LRRFIP1: variants seen among roughly 807,000 people sequenced by gnomAD.
LRRFIP1 encodes LRR binding FLII interacting protein 1.
Under a neutral mutation model 104.4 loss-of-function variants are expected in LRRFIP1, and 62 were observed. The observed-to-expected ratio is 0.59, with a 90% CI of 0.48 to 0.73. The LOEUF (loss-of-function observed/expected upper bound fraction) is 0.73. Ranked by LOEUF, LRRFIP1 falls within the 30% of genes least tolerant of loss-of-function variation. The probability of loss-of-function intolerance (pLI) is 0.00; values close to 1 mark genes in which losing one functional copy is unlikely to be tolerated. For missense variants in LRRFIP1, 796 were observed against 824.5 expected (o/e 0.97, Z 0.42); for synonymous variants, 300 against 299.0 (o/e 1.00, Z -0.03).
At chr2:237,671,759 TGTGTGCACACAC>T (rs936957327) in intron 1 of LRRFIP1, among the ~76,000 whole-genome samples, 2 of 151,726 alleles carry the variant, frequency 1.3e-5, no homozygotes, top group Non-Finnish European at 2.9e-5. Flanking sequence ...TTTATGTGTC[TGTGTGCACACAC>T]GTGTGCATGC....
rs188220477 is a variant in LRRFIP1, at chr2:237,738,474, C to T, written c.556-758C>T. 7.2e-4 allele frequency among the ~76,000 whole-genome samples: 110 copies of T among 152,306 alleles called. 2 individuals are homozygous for T. Among genetic ancestry groups the T allele is most frequent in the Admixed American group, 2.4e-3 (36 of 15,298 alleles). ...GCTGCGTGGGTCTCTCTTGAAGATG[C>T]TCCTCAGGACATGTCGGGATCCTAA... On this transcript the variant is annotated intron_variant, in intron 10 of 23. Transcript: ENST00000308482.
intron 18 of LRRFIP1, among the ~76,000 whole-genome samples, chr2:237,759,781 T>C (rs1271635607): frequency 6.6e-6 from 1 of 152,190 alleles, no homozygotes; most frequent in East Asian, 1.9e-4. Flanking sequence ...CACAGGCCAC[T>C]ACCTGTAGTT....
chr2:237,764,222 T>C, intron 19 of LRRFIP1: 26 of 1,612,866 alleles, frequency 1.6e-5, no homozygotes, highest in Non-Finnish European at 2.1e-5. Flanking sequence ...GTAAGTAGAA[T>C]GTTCTAAATT....
Position 237,766,761 on chromosome 2 carries a change from C to A in LRRFIP1, c.1460-3182C>A, listed in dbSNP as rs925417471. Among the ~76,000 whole-genome samples the A allele has an allele frequency of 6.6e-6, 1 of 152,196 alleles. No individual in the cohort carries two copies. The highest frequency in any genetic ancestry group is 2.4e-5 in the African/African-American group (1 of 41,458). On this transcript the variant is annotated intron_variant, in intron 19 of 23. Coordinates refer to ENST00000308482, the MANE Select transcript of LRRFIP1 (RefSeq NM_001137550.2). This position sits in a 1 kb window ranked among gnomAD's most constrained non-coding sequence, Gnocchi z 4.8. ...AAGAAAGAGTTCTGAGCAGCCAAACCATTTCTCGATGATTTCAGAGCCTTC... is the reference window on the plus strand; with the variant it reads ...AAGAAAGAGTTCTGAGCAGCCAAACAATTTCTCGATGATTTCAGAGCCTTC...
At chr2:237,642,739 T>A (rs554655519) in intron 1 of LRRFIP1, among the ~76,000 whole-genome samples, 1 of 151,812 alleles carries the variant, frequency 6.6e-6, no homozygotes, top group Non-Finnish European at 1.5e-5. Context: ...AGGCTAGGGG[T>A]TTCAGGTTCC....
intron 17 of LRRFIP1, among the ~76,000 whole-genome samples, chr2:237,758,519 G>C (rs2059532358): frequency 6.6e-6 from 1 of 152,196 alleles, no homozygotes; most frequent in Non-Finnish European, 1.5e-5. Context: ...GTCTTTCATG[G>C]AGTATGAACA....
chr2:237,653,332 T>C (rs1319512673), intron 1 of LRRFIP1, among the ~76,000 whole-genome samples: 1 of 152,126 alleles, frequency 6.6e-6, no homozygotes, highest in Admixed American at 6.6e-5. Context: ...CATTAAGAAC[T>C]ACAAAACATG....
intron 1 of LRRFIP1, among the ~76,000 whole-genome samples, chr2:237,699,057 G>A (rs996743917): frequency 1.3e-5 from 2 of 152,212 alleles, no homozygotes; most frequent in Non-Finnish European, 2.9e-5. Context: ...GATGAGACCT[G>A]CACACACCTG....
chr2:237,712,873 A>G (rs973223272), intron 2 of LRRFIP1, among the ~76,000 whole-genome samples: 5 of 152,326 alleles, frequency 3.3e-5, no homozygotes, highest in South Asian at 4.1e-4. Flanking sequence ...AGGTTATACA[A>G]TCTGGTAGCT....
At chr2:237,630,703 G>C (rs2082218439) in intron 1 of LRRFIP1, among the ~76,000 whole-genome samples, 1 of 152,208 alleles carries the variant, frequency 6.6e-6, no homozygotes, top group Admixed American at 6.5e-5. Flanking sequence ...ATATTGGCTG[G>C]AGCACAGCAA....
rs753660255 is a variant in LRRFIP1, at chr2:237,727,928, C to T, written c.437C>T (p.Ser146Phe). The T allele has an allele frequency of 6.2e-7, 1 of 1,610,504 alleles. No homozygotes were observed. Among genetic ancestry groups the T allele is most frequent in the Non-Finnish European group, 8.5e-7 (1 of 1,178,052 alleles). The change falls in exon 8 of 24, where the codon TCT becomes TTT. Residue 146 changes from serine to phenylalanine, a missense_variant. Physicochemically the swap from Ser to Phe is radical, Grantham distance 155. Coordinates refer to ENST00000308482, the MANE Select transcript of LRRFIP1 (RefSeq NM_001137550.2). The stretch of plus-strand genomic sequence containing the variant: ...GGATCACAGTCCCTGAATAGAAGAT[C>T]TGGCAGGGTTAGTATAGTAAATTTG... ...LYGSQSLNRR[S>F]GRPSCLYSAA...
At chr2:237,692,627 TG>T in intron 1 of LRRFIP1, 4 of 1,328,472 alleles carry the variant, frequency 3.0e-6, no homozygotes, top group Non-Finnish European at 3.9e-6. Flanking sequence ...CCGGGAGGCG[TG>T]GGGTGGGCTC....
At chr2:237,665,823 C>T (rs1331358566) in intron 1 of LRRFIP1, among the ~76,000 whole-genome samples, 7 of 152,218 alleles carry the variant, frequency 4.6e-5, no homozygotes, top group African/African-American at 1.4e-4. Context: ...GCAGTCAACA[C>T]TGGGGTCGTT....
At chr2:237,718,948 T>C (rs1357059391) in intron 4 of LRRFIP1, among the ~76,000 whole-genome samples, 7 of 152,196 alleles carry the variant, frequency 4.6e-5, no homozygotes, top group African/African-American at 1.7e-4. Context: ...AAAAGAAATA[T>C]TTAAAAAATC....
chr2:237,708,704 C>T, intron 2 of LRRFIP1, 74 bp downstream of exon 2: 7 of 1,474,844 alleles, frequency 4.7e-6, no homozygotes, highest in Non-Finnish European at 6.5e-6. Flanking sequence ...AGTGCAGGCA[C>T]CTGTTGCTGC....
chr2:237,758,154 T>A (rs913817982), intron 17 of LRRFIP1, among the ~76,000 whole-genome samples: 1 of 148,146 alleles, frequency 6.8e-6, no homozygotes, highest in Non-Finnish European at 1.5e-5. Flanking sequence ...TCGAGATACC[T>A]GCACAAACCA....
intron 23 of LRRFIP1, among the ~76,000 whole-genome samples, chr2:237,777,632 G>T (rs2061199628): frequency 6.6e-6 from 1 of 151,810 alleles, no homozygotes. Flanking sequence ...GGTTCTGTTT[G>T]TCTTTGATTT....
chr2:237,632,851 G>C (rs2082588515), intron 1 of LRRFIP1, among the ~76,000 whole-genome samples: 1 of 152,236 alleles, frequency 6.6e-6, no homozygotes, highest in African/African-American at 2.4e-5. Context: ...GCCCTCTGGT[G>C]AGGTGACCCT....
Position 237,735,980 on chromosome 2 carries a change from G to A in LRRFIP1, c.555+647G>A, listed in dbSNP as rs535527780. Among the ~76,000 whole-genome samples the A allele has an allele frequency of 2.6e-5, 4 of 152,206 alleles. No homozygotes were observed. The highest frequency in any genetic ancestry group is 4.4e-5 in the Non-Finnish European group (3 of 68,038). On this transcript the variant is annotated intron_variant, in intron 10 of 23. Transcript: ENST00000308482. The surrounding 1 kb of genome is among the most constrained non-coding windows in gnomAD (Gnocchi z 4.6). ...GGTGCTCCCTGGCGGTGGATCTCCTGTATTCAGAGGCTCCTCCCCAATCCT... is the reference window on the plus strand; with the variant it reads ...GGTGCTCCCTGGCGGTGGATCTCCTATATTCAGAGGCTCCTCCCCAATCCT...
Sources: allele counts gnomAD v4.1 joint callset (sites outside exome capture counted in the v4.1 genomes callset), GRCh38; gene constraint gnomAD v4.1.1; non-coding constraint Gnocchi (gnomAD v3.1); transcripts MANE v1.5; gene names NCBI Gene and HGNC (gene_info 2026-07-23, HGNC 2026-07-21).